The following C1S variants were observed in gnomAD, a reference collection of about 807,000 sequenced individuals.
C1S encodes the protein complement C1s.
Under a neutral mutation model 54.0 loss-of-function variants are expected in C1S, and 31 were observed. The ratio of observed to expected loss-of-function variants is 0.57; its 90% CI spans 0.43 to 0.78. The LOEUF (loss-of-function observed/expected upper bound fraction) is 0.78, where lower values mean the gene tolerates loss of function less well. C1S is among the 30% of genes least tolerant of loss of function. The pLI is 0.00. For synonymous variants in C1S, 292 were observed against 303.6 expected, an observed-to-expected ratio of 0.96 and a Z score of 0.40; for missense variants, 727 against 851.8, an observed-to-expected ratio of 0.85 and a Z score of 1.82.
intron 4 of C1S, 143 bp from the exon 5 acceptor site, chr12:7,064,124 T>C (rs782030723): frequency 1.2e-6 from 1 of 855,508 alleles, no homozygotes; most frequent in South Asian, 1.3e-5. Context: ...TATGGAATAA[T>C]AGTAGCCTGA....
chr12:7,065,895 A>G lies in C1S; in HGVS notation c.796A>G (p.Asn266Asp), dbSNP rs1555162134. 6 of 1,613,166 alleles carry G rather than the reference A, an allele frequency of 3.7e-6. No homozygotes were observed. The highest frequency in any genetic ancestry group is 5.1e-6 in the Non-Finnish European group (6 of 1,179,364). The change falls in exon 7 of 12, where the codon AAT becomes GAT. Residue 266 changes from asparagine to aspartate, a missense_variant. Asn to Asp is a conservative substitution (Grantham distance 23, BLOSUM62 1). Transcript: ENST00000360817. ...PGPLNIETKS[N>D]ALDIIFQTDL... ...GCCTCTAAATATTGAAACCAAGAGT[A>G]ATGCTCTTGATATCATCTTCCAAAC...
rs1555161941 is a variant in C1S at position 7,065,212 on chromosome 12, A to G, written c.630A>G (p.Lys210=). 6.2e-7 allele frequency: 1 copy of G among 1,614,106 alleles called. No homozygotes were observed. Among genetic ancestry groups the G allele is most frequent in the African/African-American group, 1.3e-5 (1 of 75,056 alleles). ...GTGAATACCAGATCCGGTTGGAGAAAGGGTTCCAAGTGGTGGTGACCTTGC... is the reference window on the plus strand; with the variant it reads ...GTGAATACCAGATCCGGTTGGAGAAGGGGTTCCAAGTGGTGGTGACCTTGC... The part of the protein sequence containing the change: ...SRCEYQIRLE[K]GFQVVVTLRR... Residue 210 remains lysine, a synonymous_variant, in exon 6 of 12, where the codon AAA becomes AAG. Transcript: ENST00000360817.
Position 7,070,211 on chromosome 12 carries a change from C to T in C1S, c.1627C>T (p.Pro543Ser). Reference sequence around the variant, plus strand: ...GCTGAAAGACCCAGTGAAAATGGGACCCACCGTCTCTCCCATCTGCCTACC... The same window carrying T: ...GCTGAAAGACCCAGTGAAAATGGGATCCACCGTCTCTCCCATCTGCCTACC... Reference protein sequence around the residue: ...VRLKDPVKMGPTVSPICLPGT... With the variant: ...VRLKDPVKMGSTVSPICLPGT... The change falls in exon 12 of 12, where the codon CCC becomes TCC. Residue 543 changes from proline to serine, a missense_variant. By Grantham distance (74) the Pro-to-Ser change is moderately conservative. Coordinates refer to ENST00000360817, the MANE Select transcript of C1S (RefSeq NM_001734.5). This position sits in a 1 kb window ranked among gnomAD's most constrained non-coding sequence, Gnocchi z 4.9. 6.2e-7 allele frequency: 1 copy of T among 1,614,088 alleles called. No homozygotes were observed. Among genetic ancestry groups the T allele is most frequent in the Non-Finnish European group, 8.5e-7 (1 of 1,179,964 alleles).
At chr12:7,065,422 C>G (rs1555162012) in intron 6 of C1S, 123 bp downstream of exon 6, 1 of 766,508 alleles carries the variant, frequency 1.3e-6, no homozygotes, top group South Asian at 1.4e-5. Context: ...GTGGTGCAAT[C>G]ACAGCTCACT....
intron 1 of C1S, chr12:7,061,404 A>G (rs782188162): frequency 1.1e-4 from 23 of 217,856 alleles, no homozygotes; most frequent in African/African-American, 4.8e-4. Flanking sequence ...GCTTGAGGAG[A>G]TGAGGTGATC....
At chr12:7,067,481 C>T in intron 9 of C1S, 162 bp from the exon 10 acceptor site, 1 of 810,462 alleles carries the variant, frequency 1.2e-6, no homozygotes. Flanking sequence ...TGAGAGATGC[C>T]AGTTGGGGAG....
In C1S at chr12:7,070,166, A is replaced by C. The variant is rs1937808166; in HGVS notation, c.1582A>C (p.Asn528His). 6.2e-7 allele frequency: 1 copy of C among 1,614,040 alleles called. No homozygotes were observed. The highest frequency in any genetic ancestry group is 1.3e-5 in the African/African-American group (1 of 74,908). ...EVPEGRTNFDNDIALVRLKDP... is the reference protein window; with the variant it reads ...EVPEGRTNFDHDIALVRLKDP... ...CCCAGAAGGACGAACCAATTTTGATAATGACATTGCACTGGTGCGGCTGAA... is the reference window on the plus strand; with the variant it reads ...CCCAGAAGGACGAACCAATTTTGATCATGACATTGCACTGGTGCGGCTGAA... Residue 528 changes from asparagine to histidine, a missense_variant, in exon 12 of 12, where the codon AAT becomes CAT. Asn to His is a moderately conservative substitution (Grantham distance 68). Transcript: ENST00000360817. The surrounding 1 kb of genome is among the most constrained non-coding windows in gnomAD (Gnocchi z 4.9).
Position 7,062,638 on chromosome 12 carries a change from C to CT in C1S, c.170dup (p.Asp58GlyfsTer3), listed in dbSNP as rs782329454. 2.5e-6 allele frequency: 4 copies of CT among 1,614,044 alleles called. No homozygotes were observed. The highest frequency in any genetic ancestry group is 3.4e-6 in the Non-Finnish European group (4 of 1,180,024). ...TGGGATTCACCTCTACTTCACCCAT[C>CT]TGGACATTGAGCTGTCAGAGAACTG... On this transcript the variant is annotated frameshift_variant, in exon 3 of 12. Transcript: ENST00000360817. LOFTEE classifies it high-confidence loss of function.
chr12:7,068,832 G>A, intron 11 of C1S: 1 of 422,048 alleles, frequency 2.4e-6, no homozygotes, highest in East Asian at 4.1e-5. Context: ...AGCTGAGAGT[G>A]TGTGAGTAAT....
At chr12:7,063,187 T>C in intron 4 of C1S, 120 bp downstream of exon 4, 1 of 955,428 alleles carries the variant, frequency 1.0e-6, no homozygotes, top group Non-Finnish European at 1.6e-6. Context: ...AAGTGTTGAC[T>C]TGGCCTGGGT....
intron 2 of C1S, 152 bp from the exon 3 acceptor site, chr12:7,062,323 G>T: frequency 1.4e-6 from 1 of 695,222 alleles, no homozygotes; most frequent in Non-Finnish European, 2.6e-6. Flanking sequence ...GGTTTGACCT[G>T]GGCCTTTTCT....
intron 7 of C1S, 148 bp downstream of exon 7, chr12:7,066,118 C>A: frequency 1.3e-6 from 1 of 762,666 alleles, no homozygotes. Context: ...CCCTTGAGCC[C>A]AGGAAGTAGG....
intron 7 of C1S, 96 bp from the exon 8 acceptor site, chr12:7,066,422 G>A (rs1166353792): frequency 1.3e-6 from 1 of 781,824 alleles, no homozygotes; most frequent in Non-Finnish European, 2.3e-6. Context: ...AGGACAACTG[G>A]ACGATTTTAG....
chr12:7,067,707 G>T lies in C1S; in HGVS notation c.1131G>T (p.Leu377Phe). ...NGKVEDPESTLFGSVIRYTCE... is the reference protein window; with the variant it reads ...NGKVEDPESTFFGSVIRYTCE... ...AAGTTGAAGACCCAGAGAGCACTTT[G>T]TTTGGTTCTGTCATCCGCTACACTT... The change falls in exon 10 of 12, where the codon TTG becomes TTT. Residue 377 changes from leucine (L) to phenylalanine (F), a missense_variant. By Grantham distance (22) the Leu-to-Phe change is conservative (BLOSUM62 0). Transcript: ENST00000360817. 2 of 1,613,964 alleles carry T rather than the reference G, an allele frequency of 1.2e-6. No individual in the cohort carries two copies. The highest frequency in any genetic ancestry group is 1.1e-5 in the South Asian group (1 of 91,082).
chr12:7,066,514 C>G lies in C1S; in HGVS notation c.872-4C>G. Reference sequence around the variant, plus strand: ...CCTCCTGTCCCAACTTCTGTTCTTTCAAGCAATGCCCTGCCCTAAGGAAGA... The same window carrying G: ...CCTCCTGTCCCAACTTCTGTTCTTTGAAGCAATGCCCTGCCCTAAGGAAGA... On this transcript the variant is annotated splice_polypyrimidine_tract_variant and splice_region_variant and intron_variant, in intron 7 of 11. Transcript: ENST00000360817. 3 of 1,575,148 alleles carry G rather than the reference C, an allele frequency of 1.9e-6. No individual in the cohort carries two copies. The highest frequency in any genetic ancestry group is 1.7e-4 in the Middle Eastern group (1 of 5,986).
Position 7,070,734 on chromosome 12 carries a change from C to A in C1S, c.*83C>A. 5.3e-6 allele frequency: 6 copies of A among 1,138,860 alleles called. No individual in the cohort carries two copies. The highest frequency in any genetic ancestry group is 1.2e-5 in the South Asian group (1 of 80,890). 70.5% of individuals were successfully genotyped at this position (1,138,860 alleles called of 1,614,324 possible). On this transcript the variant is annotated 3_prime_UTR_variant, in exon 12 of 12. Transcript: ENST00000360817. The surrounding 1 kb of genome is among the most constrained non-coding windows in gnomAD (Gnocchi z 4.9). Reference sequence around the variant, plus strand: ...CCTTATGATATTCTCATTATTTCATCATGACTGAAAGAAGACACGAGCGAA... The same window carrying A: ...CCTTATGATATTCTCATTATTTCATAATGACTGAAAGAAGACACGAGCGAA...
chr12:7,068,395 GGGGAATGGAAGAA>G, intron 10 of C1S, 48 bp from the exon 11 acceptor site: 1 of 1,229,180 alleles, frequency 8.1e-7, no homozygotes, highest in Non-Finnish European at 1.2e-6. Flanking sequence ...GGGTCGGAGG[GGGGAATGGAAGAA>G]GGAAGATGTG....
intron 9 of C1S, chr12:7,067,377 C>T: frequency 3.2e-6 from 2 of 629,022 alleles, no homozygotes; most frequent in Middle Eastern, 4.3e-4. Context: ...GCATTTGTGG[C>T]TTCCACTGGG....
At chr12:7,066,874 T>A in intron 8 of C1S, 165 bp from the exon 9 acceptor site, 1 of 717,774 alleles carries the variant, frequency 1.4e-6, no homozygotes, top group Non-Finnish European at 2.6e-6. Flanking sequence ...GGGCAAAGCT[T>A]TCTGTCAGCC....
Sources: allele counts gnomAD v4.1 joint callset, GRCh38; gene constraint gnomAD v4.1.1; non-coding constraint Gnocchi (gnomAD v3.1); transcripts MANE v1.5; gene names NCBI Gene and HGNC (gene_info 2026-07-23, HGNC 2026-07-21).